The following OPCML variants were observed in gnomAD, a reference collection of about 807,000 sequenced individuals.
OPCML encodes the protein opioid-binding protein/cell adhesion molecule.
Under a neutral mutation model 37.8 loss-of-function variants are expected in OPCML, and 13 were observed. That is an observed-to-expected ratio of 0.34 (90% CI 0.22 to 0.55). The LOEUF is 0.55. OPCML is among the 20% of genes least tolerant of loss of function. The pLI is 0.91. For synonymous variants in OPCML, 176 were observed against 168.8 expected (o/e 1.04, Z -0.33); for missense variants, 341 against 435.6 (o/e 0.78, Z 1.93).
chr11:132,950,411 G>A (rs1385596842), intron 1 of OPCML, among the ~76,000 whole-genome samples: 1 of 152,168 alleles, frequency 6.6e-6, no homozygotes, highest in Non-Finnish European at 1.5e-5. Flanking sequence ...GTAACTAGCT[G>A]CATTTTACAA....
At chr11:132,586,606 C>CA (rs1374981516) in intron 3 of OPCML, among the ~76,000 whole-genome samples, 1 of 152,192 alleles carries the variant, frequency 6.6e-6, no homozygotes, top group African/African-American at 2.4e-5. Context: ...AGGGCTACGA[C>CA]AACTCTCCAG....
chr11:132,736,983 T>C (rs1478191938), intron 2 of OPCML, among the ~76,000 whole-genome samples: 1 of 152,220 alleles, frequency 6.6e-6, no homozygotes, highest in Non-Finnish European at 1.5e-5. Context: ...GTTCAGTTTG[T>C]TGTCGTGGAA....
chr11:133,416,695 A>G (rs2136882402), intron 1 of OPCML, among the ~76,000 whole-genome samples: 1 of 152,348 alleles, frequency 6.6e-6, no homozygotes, highest in Non-Finnish European at 1.5e-5. Flanking sequence ...CCACTGTAGT[A>G]GAACATGAAA....
At chr11:133,140,565 A>AAGAAGAAGAAGT (rs1565467412) in intron 1 of OPCML, among the ~76,000 whole-genome samples, 2 of 147,534 alleles carry the variant, frequency 1.4e-5, no homozygotes, top group Admixed American at 1.4e-4. Context: ...GAAGAAGAAG[A>AAGAAGAAGAAGT]AGAAGAAGAA....
intron 1 of OPCML, among the ~76,000 whole-genome samples, chr11:133,337,950 C>T (rs1345013922): frequency 6.6e-6 from 1 of 151,882 alleles, no homozygotes; most frequent in African/African-American, 2.4e-5. Flanking sequence ...GGAGGGCTTT[C>T]AGCTCCCGTG....
At chr11:132,483,767 T>G (rs1213149394) in intron 4 of OPCML, among the ~76,000 whole-genome samples, 1 of 151,534 alleles carries the variant, frequency 6.6e-6, no homozygotes, top group Non-Finnish European at 1.5e-5. Context: ...ATGCCACATA[T>G]CTACAACTAT....
At chr11:132,735,551 A>G (rs1277788274) in intron 2 of OPCML, among the ~76,000 whole-genome samples, 1 of 152,032 alleles carries the variant, frequency 6.6e-6, no homozygotes, top group African/African-American at 2.4e-5. Flanking sequence ...CAGTGGTGCA[A>G]TCTTGGCTCA....
chr11:133,028,918 A>T (rs1947615612), intron 1 of OPCML, among the ~76,000 whole-genome samples: 2 of 151,874 alleles, frequency 1.3e-5, no homozygotes, highest in Non-Finnish European at 2.9e-5. Flanking sequence ...AGAACTATCA[A>T]CAGTAAACAA....
chr11:133,075,622 G>C (rs931360397), intron 1 of OPCML, among the ~76,000 whole-genome samples: 5 of 152,168 alleles, frequency 3.3e-5, no homozygotes, highest in African/African-American at 4.8e-5. Context: ...AAAAGTCTTG[G>C]CCAGGAAAAA....
At chr11:132,882,678 G>T (rs1943262124) in intron 2 of OPCML, among the ~76,000 whole-genome samples, 2 of 152,176 alleles carry the variant, frequency 1.3e-5, no homozygotes. Context: ...GAAGCCACAT[G>T]GAAAACTGAC....
rs942304372 is a variant in OPCML, at chr11:133,208,050, G to C, written c.62-265040C>G. Among the ~76,000 whole-genome samples the C allele has an allele frequency of 9.2e-5, 14 of 152,158 alleles. No individual in the cohort carries two copies. The highest frequency in any genetic ancestry group is 1.8e-4 in the Non-Finnish European group (12 of 68,040). ...ATTTAACCACCCTAGGCAAGGTTAA[G>C]AGCTCCTTACTCTGAGCTCCCATAG... On this transcript the variant is annotated intron_variant, in intron 1 of 7. Coordinates refer to ENST00000524381, the MANE Select transcript of OPCML (RefSeq NM_001012393.5). The surrounding 1 kb of genome is among the most constrained non-coding windows in gnomAD (Gnocchi z 8.9).
chr11:133,000,169 G>T (rs1185240526), intron 1 of OPCML, among the ~76,000 whole-genome samples: 4 of 152,106 alleles, frequency 2.6e-5, no homozygotes, highest in Non-Finnish European at 4.4e-5. Flanking sequence ...CAATTCTCCT[G>T]CCTCAGCCTC....
chr11:133,147,805 C>A (rs1298378411), intron 1 of OPCML, among the ~76,000 whole-genome samples: 2 of 152,204 alleles, frequency 1.3e-5, no homozygotes, highest in African/African-American at 4.8e-5. Flanking sequence ...CACCGGTTCA[C>A]ACTGTTACTC....
At chr11:132,437,417 C>A (rs953685058) in intron 4 of OPCML, 58 bp from the exon 5 acceptor site, 1 of 1,592,706 alleles carries the variant, frequency 6.3e-7, no homozygotes, top group Non-Finnish European at 8.6e-7. Flanking sequence ...AGGGACAGAA[C>A]CATATTCACA....
At chr11:133,365,263 C>T (rs1021596535) in intron 1 of OPCML, 1 of 152,286 alleles carries the variant, frequency 6.6e-6, no homozygotes, top group Non-Finnish European at 1.5e-5. Context: ...ATTTGGAATG[C>T]TATTACAGAA....
intron 1 of OPCML, among the ~76,000 whole-genome samples, chr11:133,056,314 T>C (rs1948238196): frequency 1.3e-5 from 2 of 152,182 alleles, no homozygotes. Flanking sequence ...AGAGGCTCAG[T>C]GAACATGAAT....
intron 3 of OPCML, among the ~76,000 whole-genome samples, chr11:132,596,046 C>T (rs1384374748): frequency 6.6e-6 from 1 of 152,116 alleles, no homozygotes; most frequent in Non-Finnish European, 1.5e-5. Flanking sequence ...GTCCAGACTC[C>T]ACCACTTGGC....
chr11:133,086,893 G>A (rs1346682262), intron 1 of OPCML, among the ~76,000 whole-genome samples: 1 of 152,186 alleles, frequency 6.6e-6, no homozygotes, highest in Non-Finnish European at 1.5e-5. Flanking sequence ...CATTCATGTT[G>A]TCTCAAGTGG....
chr11:132,595,364 T>A (rs911637578), intron 3 of OPCML, among the ~76,000 whole-genome samples: 22 of 152,190 alleles, frequency 1.4e-4, no homozygotes, highest in African/African-American at 5.1e-4. Context: ...ACATAATAAA[T>A]GTGTCCCTGT....
Sources: gnomAD v4.1 joint callset for allele counts (sites outside exome capture counted in the v4.1 genomes callset) on GRCh38, gnomAD v4.1.1 for gene constraint, Gnocchi (gnomAD v3.1) non-coding constraint, MANE v1.5 for transcripts, NCBI Gene and HGNC (gene_info 2026-07-23, HGNC 2026-07-21) for gene names.